Variants in ZNF420 observed in about 807,000 individuals in gnomAD.
The protein encoded by ZNF420 is ATM and p53-associated KZNF protein.
A neutral mutation model predicts 44.7 loss-of-function variants in ZNF420; 31 were observed. That is an observed-to-expected ratio of 0.69 (90% CI 0.52 to 0.94). The LOEUF (loss-of-function observed/expected upper bound fraction) is 0.94, where lower values mean the gene tolerates loss of function less well. ZNF420 is among the 40% of genes least tolerant of loss of function. The pLI is 0.00. For missense variants in ZNF420, 681 were observed against 827.9 expected, an observed-to-expected ratio of 0.82 and a Z score of 2.18; for synonymous variants, 245 against 267.4, an observed-to-expected ratio of 0.92 and a Z score of 0.82.
rs528635065 is a variant in ZNF420 at position 37,042,632 on chromosome 19, C to T, written c.-125+34550C>T. Among the ~76,000 whole-genome samples, 27 of 152,320 alleles carry T rather than the reference C, an allele frequency of 1.8e-4. 2 individuals carry two copies. The South Asian group carries it at 5.6e-3, about 32-fold the overall frequency. ...TTCATCAGATAATATCTATTGTGTG[C>T]CCAGAGGGCATGGAGTACTCCCCTA... On this transcript the variant is annotated intron_variant, in intron 1 of 4. Transcript: ENST00000587029.
intron 4 of ZNF420, among the ~76,000 whole-genome samples, chr19:37,099,342 T>C (rs1969632128): frequency 6.6e-6 from 1 of 152,140 alleles, no homozygotes; most frequent in South Asian, 2.1e-4. Flanking sequence ...TTTACCAGCA[T>C]TTGTTATCTT....
intron 4 of ZNF420, among the ~76,000 whole-genome samples, chr19:37,117,014 T>C (rs1485665081): frequency 6.6e-6 from 1 of 152,182 alleles, no homozygotes; most frequent in African/African-American, 2.4e-5. Flanking sequence ...CTCTATAGGC[T>C]CCACCTCTGG....
chr19:37,099,888 G>T (rs1485689820), intron 4 of ZNF420, among the ~76,000 whole-genome samples: 1 of 152,108 alleles, frequency 6.6e-6, no homozygotes, highest in African/African-American at 2.4e-5. Context: ...CCCCCAAAGA[G>T]CTGGGATTAT....
At chr19:37,082,681 C>A (rs1968531937) in intron 2 of ZNF420, among the ~76,000 whole-genome samples, 2 of 152,040 alleles carry the variant, frequency 1.3e-5, no homozygotes, top group South Asian at 4.1e-4. Context: ...TATAGAAAAA[C>A]AACATAAAGT....
intron 1 of ZNF420, among the ~76,000 whole-genome samples, chr19:37,032,253 C>T (rs1388105379): frequency 2.0e-5 from 3 of 150,744 alleles, no homozygotes; most frequent in African/African-American, 7.3e-5. Context: ...GCAGGAAAAC[C>T]ACTTGAAGGC....
intron 1 of ZNF420, among the ~76,000 whole-genome samples, chr19:37,050,925 C>T (rs919639704): frequency 9.9e-5 from 15 of 152,168 alleles, no homozygotes; most frequent in African/African-American, 2.7e-4. Flanking sequence ...GAGTTTTTAG[C>T]ATGAAGGGCT....
chr19:37,124,446 G>A (rs1472520044), intron 4 of ZNF420, among the ~76,000 whole-genome samples: 5 of 152,138 alleles, frequency 3.3e-5, no homozygotes, highest in Admixed American at 2.0e-4. Context: ...GTTTGTGTGA[G>A]CATAAGTGTA....
intron 4 of ZNF420, among the ~76,000 whole-genome samples, chr19:37,113,072 G>C (rs919069192): frequency 1.3e-5 from 2 of 152,178 alleles, no homozygotes; most frequent in Admixed American, 1.3e-4. Context: ...GAGGAACAAA[G>C]GGCTAAATTG....
At chr19:37,104,280 C>T (rs1460383669) in intron 4 of ZNF420, among the ~76,000 whole-genome samples, 3 of 151,998 alleles carry the variant, frequency 2.0e-5, no homozygotes, top group Non-Finnish European at 4.4e-5. Context: ...GAATGGGTTT[C>T]CGGCGTCATC....
At chr19:37,023,473 C>T (rs985788139) in intron 1 of ZNF420, among the ~76,000 whole-genome samples, 1 of 151,978 alleles carries the variant, frequency 6.6e-6, no homozygotes, top group Non-Finnish European at 1.5e-5. Context: ...TCCAGGGATT[C>T]TCTTGCCTCA....
At chr19:37,116,368 C>CAAAAAAAAAA (rs57611154) in intron 4 of ZNF420, among the ~76,000 whole-genome samples, 4 of 75,896 alleles carry the variant, frequency 5.3e-5, no homozygotes, top group African/African-American at 1.7e-4. Context: ...GACTCCACCT[C>CAAAAAAAAAA]AAAAAAAAAA....
At position 37,078,488 on chromosome 19, in the gene ZNF420, C is replaced by T. The variant is rs1302373364; in HGVS notation, c.-207C>T. 3 of 152,392 alleles carry T rather than the reference C, an allele frequency of 2.0e-5. No individual in the cohort carries two copies. The highest frequency in any genetic ancestry group is 2.9e-5 in the Non-Finnish European group (2 of 68,194). The allele number at this position is 152,392 out of a possible 1,614,324, so 9.4% of individuals were successfully genotyped here. On this transcript the variant is annotated 5_prime_UTR_variant, in exon 1 of 5. Coordinates refer to ENST00000337995, the MANE Select transcript of ZNF420 (RefSeq NM_144689.5). ...CCGCGTCTGTGGAGGAGCTTGGCTC[C>T]GCACCTGCTGGGCTGGCGAACCCGA...
chr19:37,013,218 G>A (rs541674963), intron 1 of ZNF420, among the ~76,000 whole-genome samples: 2 of 152,124 alleles, frequency 1.3e-5, no homozygotes, highest in South Asian at 2.1e-4. Flanking sequence ...CACCTTACTC[G>A]CCTCTCACTG....
intron 1 of ZNF420, among the ~76,000 whole-genome samples, chr19:37,041,535 C>T (rs542897391): frequency 6.6e-6 from 1 of 152,200 alleles, no homozygotes; most frequent in Non-Finnish European, 1.5e-5. Flanking sequence ...GGCCAAAATA[C>T]TTAGATTTTG....
At position 37,129,820 on chromosome 19, in the gene ZNF420, T is replaced by G; in HGVS notation, c.*762T>G. On this transcript the variant is annotated 3_prime_UTR_variant, in exon 5 of 5. Coordinates refer to ENST00000337995, the MANE Select transcript of ZNF420 (RefSeq NM_144689.5). The stretch of plus-strand genomic sequence containing the variant: ...GCTGTTAGAGAAGTGGGACAAGGTG[T>G]GAAGTGATTTTTAACGAAGTCTAAG... 2.0e-6 allele frequency: 1 copy of G among 496,102 alleles called. No individual in the cohort carries two copies. The highest frequency in any genetic ancestry group is 3.3e-6 in the Non-Finnish European group (1 of 303,060). 30.7% of individuals were successfully genotyped at this position (496,102 alleles called of 1,614,324 possible).
At chr19:37,008,063 C>A in exon 1 of ZNF420, 1 of 260,838 alleles carries the variant, frequency 3.8e-6, no homozygotes, top group Non-Finnish European at 7.4e-6. Flanking sequence ...CTGCCTCAGG[C>A]CTGCCCGGAC....
chr19:37,026,346 G>T (rs1338734016), intron 1 of ZNF420, among the ~76,000 whole-genome samples: 2 of 149,582 alleles, frequency 1.3e-5, no homozygotes, highest in Non-Finnish European at 3.0e-5. Flanking sequence ...TTGAGAGGGA[G>T]TTTCACTCTT....
At chr19:37,106,225 AG>A (rs1406819575) in intron 4 of ZNF420, among the ~76,000 whole-genome samples, 3 of 152,202 alleles carry the variant, frequency 2.0e-5, no homozygotes, top group Non-Finnish European at 4.4e-5. Context: ...TTTAGCATGA[AG>A]GGCTGTTGAA....
intron 1 of ZNF420, among the ~76,000 whole-genome samples, chr19:37,055,595 C>T (rs767121431): frequency 2.0e-5 from 3 of 152,200 alleles, no homozygotes; most frequent in African/African-American, 4.8e-5. Flanking sequence ...GGGCAAAGCA[C>T]GAGTCGGCTT....
Sources: gnomAD v4.1 joint callset for allele counts (sites outside exome capture counted in the v4.1 genomes callset) on GRCh38, gnomAD v4.1.1 for gene constraint, MANE v1.5 for transcripts, NCBI Gene and HGNC (gene_info 2026-07-23, HGNC 2026-07-21) for gene names.